Variants in PGF observed in about 807,000 individuals in gnomAD.
PGF encodes placenta growth factor.
Under a neutral mutation model 25.3 loss-of-function variants are expected in PGF, and 11 were observed. That is an observed-to-expected ratio of 0.43 (90% CI 0.27 to 0.72). PGF has a LOEUF of 0.72. Among genes scored for constraint, PGF ranks in the 30% least tolerant of loss-of-function variants. The pLI, the probability that PGF is intolerant of heterozygous loss-of-function variation, is 0.18. For missense variants in PGF, 230 were observed against 234.9 expected (o/e 0.98, Z 0.14); for synonymous variants, 105 against 97.9 (o/e 1.07, Z -0.43).
At chr14:74,954,135 C>G in intron 1 of PGF, 189 bp from the exon 2 acceptor site, 1 of 604,124 alleles carries the variant, frequency 1.7e-6, no homozygotes, top group South Asian at 2.0e-5. Context: ...TTAGGTCCCA[C>G]CCCTCTCTGG....
Position 74,949,494 on chromosome 14 carries a change from C to T in PGF, c.178G>A (p.Asp60Asn). The T allele has an allele frequency of 6.2e-7, 1 of 1,609,150 alleles. No homozygotes were observed. The highest frequency in any genetic ancestry group is 8.5e-7 in the Non-Finnish European group (1 of 1,178,006). Residue 60 changes from aspartate to asparagine, a missense_variant, in exon 3 of 7, where the codon GAC becomes AAC. Physicochemically the swap from Asp to Asn is conservative, Grantham distance 23. Transcript: ENST00000555567. ...TCGCTGGGGTACTCGGACACGACGT[C>T]CACCAGCCTCTCCAGCGCCCGGCAG... ...SYCRALERLV[D>N]VVSEYPSEVE...
intron 4 of PGF, chr14:74,947,376 C>T (rs1437328960): frequency 6.4e-6 from 1 of 155,206 alleles, no homozygotes; most frequent in African/African-American, 2.4e-5. Flanking sequence ...GTCTCCAACA[C>T]TCCAACAAAA....
intron 6 of PGF, 103 bp downstream of exon 6, chr14:74,946,110 G>GC (rs1373590963): frequency 1.0e-6 from 1 of 975,540 alleles, no homozygotes; most frequent in Non-Finnish European, 1.6e-6. Flanking sequence ...CCCAAGACTG[G>GC]CCTCAGTCCT....
intron 4 of PGF, chr14:74,946,611 C>T (rs1888743270): frequency 3.2e-6 from 2 of 632,744 alleles, no homozygotes; most frequent in Admixed American, 2.4e-5. Flanking sequence ...CTCTGGTGAC[C>T]CCACCACGAG....
At position 74,953,296 on chromosome 14, in the gene PGF, G is replaced by A. The variant is rs947110495; in HGVS notation, c.118+608C>T. Among the ~76,000 whole-genome samples the A allele has an allele frequency of 6.6e-6, 1 of 152,222 alleles. No homozygotes were observed. The highest frequency in any genetic ancestry group is 1.5e-5 in the Non-Finnish European group (1 of 68,020). On this transcript the variant is annotated intron_variant, in intron 2 of 6. Coordinates refer to ENST00000555567, the MANE Select transcript of PGF (RefSeq NM_002632.6). The surrounding 1 kb of genome is among the most constrained non-coding windows in gnomAD (Gnocchi z 5.4). ...GGAGAGGCAGGGAGGGAGGAGCGAG[G>A]TAGGGGGCCTGGCATGGGCCTCCTG...
rs1888616821 is a variant in PGF, at chr14:74,942,237, C to A, written c.*469G>T. On this transcript the variant is annotated 3_prime_UTR_variant, in exon 7 of 7. Coordinates refer to ENST00000555567, the MANE Select transcript of PGF (RefSeq NM_002632.6). ...GAAGAAGAGGGGGAAGTGGCTGGAT[C>A]CCCTCCGCCCGCTGCCGGCCTTCCC... 5.8e-6 allele frequency: 1 copy of A among 173,286 alleles called. No homozygotes were observed. Among genetic ancestry groups the A allele is most frequent in the Non-Finnish European group, 1.2e-5 (1 of 82,010 alleles). The allele number at this position is 173,286 out of a possible 1,614,324, so 10.7% of individuals were successfully genotyped here.
chr14:74,955,181 G>A lies in PGF; in HGVS notation c.62C>T (p.Ala21Val). ...GGTAGCTCTTACCTGGGGGGGCACA[G>A]CAGGCAGCGCCAGCCCGGCCAGGAG... ...LQLLAGLALPAVPPQQWALSA... is the reference protein window; with the variant it reads ...LQLLAGLALPVVPPQQWALSA... The change falls in exon 1 of 7, where the codon GCT (alanine) becomes GTT (valine). Residue 21 changes from alanine (A) to valine (V), a missense_variant. Ala to Val is a moderately conservative substitution (Grantham distance 64). Coordinates refer to ENST00000555567, the MANE Select transcript of PGF (RefSeq NM_002632.6). This position sits in a 1 kb window ranked among gnomAD's most constrained non-coding sequence, Gnocchi z 4.1. 3 of 1,480,686 alleles carry A rather than the reference G, an allele frequency of 2.0e-6. No homozygotes were observed. Among genetic ancestry groups the A allele is most frequent in the African/African-American group, 1.4e-5 (1 of 70,008 alleles). The allele number at this position is 1,480,686 out of a possible 1,614,324, so 91.7% of individuals were successfully genotyped here.
rs1322839553 is a variant in PGF at position 74,950,169 on chromosome 14, C to T, written c.119-616G>A. Among the ~76,000 whole-genome samples the T allele has an allele frequency of 1.3e-5, 2 of 152,084 alleles. No individual in the cohort carries two copies. The highest frequency in any genetic ancestry group is 4.8e-5 in the African/African-American group (2 of 41,336). On this transcript the variant is annotated intron_variant, in intron 2 of 6. Coordinates refer to ENST00000555567, the MANE Select transcript of PGF (RefSeq NM_002632.6). This position sits in a 1 kb window ranked among gnomAD's most constrained non-coding sequence, Gnocchi z 4.1. ...GTGCACTCTGCAGCCCGTACAGCTG[C>T]TCTTCTTCCCCCTCCTCTCATTTCT...
At chr14:74,944,492 A>C (rs143633227) in intron 6 of PGF, 55 of 152,186 alleles carry the variant, frequency 3.6e-4, no homozygotes, top group African/African-American at 1.1e-3. Flanking sequence ...GTTCTACAAT[A>C]GCTTTGTATT....
At position 74,942,775 on chromosome 14, in the gene PGF, T is replaced by C. The variant is rs755450794; in HGVS notation, c.486-42A>G. The C allele has an allele frequency of 1.8e-5, 28 of 1,590,364 alleles. No homozygotes were observed. The East Asian group carries it at 4.9e-4, about 28-fold the overall frequency. ...ACAGACGGGGCGGGTATCAGCACACTGTGGAGGGTGCGGTCTCCTCCTATG... is the reference window on the plus strand; with the variant it reads ...ACAGACGGGGCGGGTATCAGCACACCGTGGAGGGTGCGGTCTCCTCCTATG... On this transcript the variant is annotated intron_variant, in intron 6 of 6. Coordinates refer to ENST00000555567, the MANE Select transcript of PGF (RefSeq NM_002632.6).
chr14:74,951,196 T>C (rs1888863636), intron 2 of PGF, among the ~76,000 whole-genome samples: 1 of 152,158 alleles, frequency 6.6e-6, no homozygotes, highest in Non-Finnish European at 1.5e-5. Flanking sequence ...TGCCGTGCTC[T>C]GCTTAGAGGG....
At position 74,948,703 on chromosome 14, in the gene PGF, CCCTCACTCCACTCTGAA is replaced by C. The variant is rs1326894564; in HGVS notation, c.316-137_316-121del. The C allele has an allele frequency of 8.3e-5, 48 of 581,704 alleles. 1 individual carries two copies. In the Middle Eastern group the frequency reaches 0.013, roughly 153 times the overall value. 36.0% of individuals were successfully genotyped at this position (581,704 alleles called of 1,614,324 possible). ...TTCCTGCTAGCCTGTGGACTACAGG[CCCTCACTCCACTCTGAA>C]CGTGGGGCAAACAGCTCTCTCAGCT... On this transcript the variant is annotated intron_variant, in intron 3 of 6. Coordinates refer to ENST00000555567, the MANE Select transcript of PGF (RefSeq NM_002632.6).
rs1292263068 is a variant in PGF at position 74,953,976 on chromosome 14, G to C, written c.76-30C>G. The C allele has an allele frequency of 1.2e-6, 2 of 1,612,120 alleles. No homozygotes were observed. Among genetic ancestry groups the C allele is most frequent in the Non-Finnish European group, 1.7e-6 (2 of 1,178,600 alleles). On this transcript the variant is annotated intron_variant, in intron 1 of 6. Coordinates refer to ENST00000555567, the MANE Select transcript of PGF (RefSeq NM_002632.6). This position sits in a 1 kb window ranked among gnomAD's most constrained non-coding sequence, Gnocchi z 5.4. ...GGACAGAAAAGTGCAGAGGTGAGCT[G>C]GGGGTACCTTGGAGCTCTGCACTCT...
chr14:74,942,590 A>G lies in PGF; in HGVS notation c.*116T>C, dbSNP rs1348640163. 7.9e-6 allele frequency: 8 copies of G among 1,007,364 alleles called. No individual in the cohort carries two copies. In the South Asian group the frequency reaches 8.2e-5, roughly 10 times the overall value. 62.4% of individuals were successfully genotyped at this position (1,007,364 alleles called of 1,614,324 possible). ...TCGTCTTGAAGGGAGCGAGGCATTC[A>G]GCAGGGAAACAGTTGGCTAATAAAT... On this transcript the variant is annotated 3_prime_UTR_variant, in exon 7 of 7. Transcript: ENST00000555567.
In PGF at chr14:74,946,247, T is replaced by C. The variant is rs1422465318; in HGVS notation, c.451A>G (p.Arg151Gly). 1.9e-6 allele frequency: 3 copies of C among 1,613,962 alleles called. No homozygotes were observed. Among genetic ancestry groups the C allele is most frequent in the African/African-American group, 2.7e-5 (2 of 74,896 alleles). ...RRRPKGRGKR[R>G]REKQRPTDCH... ...TCTGTGGGTCTCTGCTTCTCTCTCC[T>C]CCTCTTCCCCCTGCCCTTGGGTCTC... Residue 151 changes from arginine (R) to glycine (G), a missense_variant, in exon 6 of 7, where the codon AGG becomes GGG. Coordinates refer to ENST00000555567, the MANE Select transcript of PGF (RefSeq NM_002632.6).
At chr14:74,949,753 G>C (rs1166729445) in intron 2 of PGF, among the ~76,000 whole-genome samples, 200 bp from the exon 3 acceptor site, 1 of 152,144 alleles carries the variant, frequency 6.6e-6, no homozygotes, top group Non-Finnish European at 1.5e-5. Flanking sequence ...AATCCCCATG[G>C]AACAGAATCT....
chr14:74,942,453 G>A lies in PGF; in HGVS notation c.*253C>T. On this transcript the variant is annotated 3_prime_UTR_variant, in exon 7 of 7. Transcript: ENST00000555567. ...CCTAGCTTGCCCCTCACGAGGCCAC[G>A]TGTCTTGCTTCTTTCAAAGCGGAAG... The A allele has an allele frequency of 2.0e-6, 1 of 500,770 alleles. No homozygotes were observed. The highest frequency in any genetic ancestry group is 3.5e-6 in the Non-Finnish European group (1 of 283,058). The allele number at this position is 500,770 out of a possible 1,614,324, so 31.0% of individuals were successfully genotyped here. A position where few individuals can be genotyped will look rare whatever the true frequency, so the allele number is the denominator to read the frequency against.
chr14:74,949,499 A>G lies in PGF; in HGVS notation c.173T>C (p.Leu58Pro), dbSNP rs1888824668. Residue 58 changes from leucine (L) to proline (P), a missense_variant, in exon 3 of 7, where the codon CTG (leucine) becomes CCG (proline). Physicochemically the swap from Leu to Pro is moderately conservative, Grantham distance 98. Transcript: ENST00000555567. The stretch of plus-strand genomic sequence containing the variant: ...GGGGTACTCGGACACGACGTCCACC[A>G]GCCTCTCCAGCGCCCGGCAGTAGCT... ...GRSYCRALER[L>P]VDVVSEYPSE... is the part of the protein sequence containing the mutation. 1 of 1,608,232 alleles carries G rather than the reference A, an allele frequency of 6.2e-7. No homozygotes were observed. Among genetic ancestry groups the G allele is most frequent in the Non-Finnish European group, 8.5e-7 (1 of 1,177,624 alleles).
At chr14:74,951,062 C>T (rs1415396187) in intron 2 of PGF, among the ~76,000 whole-genome samples, 3 of 152,202 alleles carry the variant, frequency 2.0e-5, no homozygotes, top group Non-Finnish European at 2.9e-5. Flanking sequence ...CAGAGGCCCT[C>T]GGGAAAGGCT....
Sources: gnomAD v4.1 joint callset for allele counts (sites outside exome capture counted in the v4.1 genomes callset) on GRCh38, gnomAD v4.1.1 for gene constraint, Gnocchi (gnomAD v3.1) non-coding constraint, MANE v1.5 for transcripts, NCBI Gene and HGNC (gene_info 2026-07-23, HGNC 2026-07-21) for gene names.